The following ADAMTS18 variants were observed in gnomAD, a reference collection of about 807,000 sequenced individuals.
ADAMTS18 encodes A disintegrin and metalloproteinase with thrombospondin motifs 18.
ADAMTS18 carries 157 observed loss-of-function variants against 165.9 expected under a neutral mutation model. The observed-to-expected ratio is 0.95, with a 90% confidence interval of 0.83 to 1.08. ADAMTS18 has a LOEUF of 1.08. Among genes scored for constraint, ADAMTS18 ranks in the 50% least tolerant of loss-of-function variants. The pLI, the probability that ADAMTS18 is intolerant of heterozygous loss-of-function variation, is 0.00. For synonymous variants in ADAMTS18, 782 were observed against 578.2 expected (o/e 1.35, Z -5.06); for missense variants, 2,040 against 1,534.0 (o/e 1.33, Z -5.51).
At chr16:77,321,645 T>C (rs1018403194) in intron 14 of ADAMTS18, among the ~76,000 whole-genome samples, 2 of 152,036 alleles carry the variant, frequency 1.3e-5, no homozygotes, top group African/African-American at 2.4e-5. Flanking sequence ...TGGGGAAAAA[T>C]AGTATTTCAA....
intron 3 of ADAMTS18, among the ~76,000 whole-genome samples, chr16:77,429,664 GATA>G (rs757313873): frequency 3.3e-5 from 5 of 152,192 alleles, no homozygotes; most frequent in East Asian, 1.9e-4. Flanking sequence ...GTGAAATTTT[GATA>G]ATATTAATCT....
chr16:77,359,549 G>GA lies in ADAMTS18; in HGVS notation c.1217-127dup, dbSNP rs3067843. On this transcript the variant is annotated intron_variant, in intron 7 of 22. Coordinates refer to ENST00000282849, the MANE Select transcript of ADAMTS18 (RefSeq NM_199355.4). ...TAGATCAATGCATTCAGTGTTTTTG[G>GA]AAAAAAAAAAAAAAAAAGATCTATA... 1,590 of 300,992 alleles carry GA rather than the reference G, an allele frequency of 5.3e-3. 1 individual carries two copies. The highest frequency in any genetic ancestry group is 7.4e-3 in the South Asian group (185 of 25,020). 18.6% of individuals were successfully genotyped at this position (300,992 alleles called of 1,614,324 possible). A position where few individuals can be genotyped will look rare whatever the true frequency, so the allele number is the denominator to read the frequency against.
intron 3 of ADAMTS18, among the ~76,000 whole-genome samples, chr16:77,405,257 A>C (rs1406858099): frequency 1.3e-5 from 2 of 152,188 alleles, no homozygotes; most frequent in Non-Finnish European, 1.5e-5. Context: ...AAAATTTTTC[A>C]ATCCTGAATG....
At position 77,335,610 on chromosome 16, in the gene ADAMTS18, A is replaced by G. The variant is rs2056296029; in HGVS notation, c.1859+146T>C. 4.1e-6 allele frequency: 4 copies of G among 980,026 alleles called. No individual in the cohort carries two copies. The South Asian group carries it at 4.1e-5, about 10-fold the overall frequency. The allele number at this position is 980,026 out of a possible 1,614,324, so 60.7% of individuals were successfully genotyped here. On this transcript the variant is annotated intron_variant, in intron 12 of 22. Coordinates refer to ENST00000282849, the MANE Select transcript of ADAMTS18 (RefSeq NM_199355.4). The stretch of plus-strand genomic sequence containing the variant: ...TTGTATAGTTGTATCAACACATCAC[A>G]TGTACCCCATAAATATGTATAACCA...
At chr16:77,389,063 G>A (rs779363996) in intron 3 of ADAMTS18, among the ~76,000 whole-genome samples, 32 of 152,212 alleles carry the variant, frequency 2.1e-4, no homozygotes, top group Admixed American at 1.1e-3. Context: ...ACTTTGGGAG[G>A]CCAAGGTTGG....
At chr16:77,359,491 G>T in intron 7 of ADAMTS18, 68 bp from the exon 8 acceptor site, 2 of 1,323,718 alleles carry the variant, frequency 1.5e-6, no homozygotes, top group Non-Finnish European at 2.1e-6. Context: ...GATGATTTAT[G>T]TCCTCAAAAT....
intron 3 of ADAMTS18, among the ~76,000 whole-genome samples, chr16:77,400,637 G>T (rs974349782): frequency 3.3e-5 from 5 of 151,578 alleles, no homozygotes; most frequent in Admixed American, 2.6e-4. Context: ...GCCCGTCACC[G>T]CACCCGGCTA....
chr16:77,285,515 TTA>T (rs1207879562), intron 22 of ADAMTS18, among the ~76,000 whole-genome samples: 10 of 151,184 alleles, frequency 6.6e-5, no homozygotes, highest in South Asian at 2.1e-4. Flanking sequence ...TTAAAAATAT[TTA>T]GAGTATACAC....
chr16:77,408,805 G>A (rs1265448792), intron 3 of ADAMTS18, among the ~76,000 whole-genome samples: 1 of 152,050 alleles, frequency 6.6e-6, no homozygotes, highest in African/African-American at 2.4e-5. Flanking sequence ...GCCACTTTCT[G>A]AAAATCAATT....
chr16:77,297,498 G>A, intron 17 of ADAMTS18, 83 bp from the exon 18 acceptor site: 1 of 1,381,040 alleles, frequency 7.2e-7, no homozygotes, highest in Non-Finnish European at 1.0e-6. Flanking sequence ...TGATTTACCA[G>A]CATTGTGATA....
intron 3 of ADAMTS18, among the ~76,000 whole-genome samples, chr16:77,414,930 T>C (rs2057510558): frequency 6.6e-6 from 1 of 152,176 alleles, no homozygotes; most frequent in Admixed American, 6.5e-5. Context: ...CTCCAACTGC[T>C]CAGACAGGCA....
intron 6 of ADAMTS18, among the ~76,000 whole-genome samples, chr16:77,363,009 G>A (rs1431648201): frequency 1.3e-5 from 2 of 152,038 alleles, no homozygotes; most frequent in Admixed American, 1.3e-4. Flanking sequence ...TCCACACCTG[G>A]GCAATTAGAT....
chr16:77,364,403 T>G, intron 4 of ADAMTS18, 22 bp from the exon 5 acceptor site: 1 of 1,611,270 alleles, frequency 6.2e-7, no homozygotes, highest in Non-Finnish European at 8.5e-7. Flanking sequence ...AGAAGAGCAT[T>G]TGGAAGGGAT....
intron 3 of ADAMTS18, among the ~76,000 whole-genome samples, chr16:77,422,959 G>T (rs1343827230): frequency 6.6e-6 from 1 of 152,122 alleles, no homozygotes; most frequent in Non-Finnish European, 1.5e-5. Flanking sequence ...TCCACTGAAG[G>T]TCCTGTTCAG....
chr16:77,346,833 A>C (rs558527246), intron 10 of ADAMTS18, among the ~76,000 whole-genome samples: 1 of 152,340 alleles, frequency 6.6e-6, no homozygotes, highest in Admixed American at 6.5e-5. Context: ...TATGATTTAT[A>C]CAATAATATG....
intron 3 of ADAMTS18, among the ~76,000 whole-genome samples, chr16:77,379,818 G>A (rs558604215): frequency 5.9e-5 from 9 of 152,074 alleles, no homozygotes; most frequent in African/African-American, 2.2e-4. Flanking sequence ...GTCAGGTAAA[G>A]GCCCTCCCCT....
chr16:77,325,492 G>A (rs2056077049), intron 13 of ADAMTS18, among the ~76,000 whole-genome samples: 1 of 151,948 alleles, frequency 6.6e-6, no homozygotes, highest in African/African-American at 2.4e-5. Context: ...ACTGTGTACG[G>A]TGCCTCTATG....
intron 3 of ADAMTS18, among the ~76,000 whole-genome samples, chr16:77,405,179 G>C (rs1306059715): frequency 1.3e-5 from 2 of 152,170 alleles, no homozygotes. Context: ...GGACTCCTCA[G>C]ACACATGTTG....
chr16:77,322,612 T>C, intron 13 of ADAMTS18, 146 bp from the exon 14 acceptor site: 1 of 993,838 alleles, frequency 1.0e-6, no homozygotes, highest in Non-Finnish European at 1.5e-6. Flanking sequence ...TAAGCCCATA[T>C]GATGTGGCTT....
Sources: allele counts gnomAD v4.1 joint callset (sites outside exome capture counted in the v4.1 genomes callset), GRCh38; gene constraint gnomAD v4.1.1; transcripts MANE v1.5; gene names NCBI Gene and HGNC (gene_info 2026-07-23, HGNC 2026-07-21).